The following LIG3 variants were observed in gnomAD, a reference collection of about 807,000 sequenced individuals.
LIG3 encodes ligase II, DNA, ATP-dependent.
LIG3 carries 58 observed loss-of-function variants against 110.9 expected under a neutral mutation model. That is an observed-to-expected ratio of 0.52 (90% confidence interval 0.42 to 0.65). The LOEUF (loss-of-function observed/expected upper bound fraction) is 0.65, where lower values mean the gene tolerates loss of function less well. Ranked by LOEUF, LIG3 falls within the 30% of genes least tolerant of loss-of-function variation. LIG3 has a pLI of 0.00. For missense variants in LIG3, 1,094 were observed against 1,273.8 expected (o/e 0.86, Z 2.15); for synonymous variants, 422 against 472.8 (o/e 0.89, Z 1.39).
In LIG3 at chr17:34,989,573, C is replaced by T. The variant is rs566713386; in HGVS notation, c.799C>T (p.Arg267Ter). The T allele has an allele frequency of 4.8e-5, 78 of 1,613,944 alleles. No homozygotes were observed. The highest frequency in any genetic ancestry group is 6.5e-5 in the Non-Finnish European group (77 of 1,180,038). ...TAAGGACTGTCTGCTACGGGAGTTT[C>T]GAAAGTTATGCGCCATGGTGGCCGA... ...RHKDCLLREF[R>*]KLCAMVADNP... The change falls in exon 4 of 20, where the codon CGA (arginine) becomes TGA (stop). Residue 267 changes from arginine to a stop codon, truncating the protein, a stop_gained. Transcript: ENST00000378526. LOFTEE classifies it high-confidence loss of function.
Position 34,996,143 on chromosome 17 carries a change from T to C in LIG3, c.1691T>C (p.Ile564Thr), listed in dbSNP as rs745634172. The C allele has an allele frequency of 8.1e-6, 13 of 1,614,164 alleles. No homozygotes were observed. The highest frequency in any genetic ancestry group is 2.2e-5 in the East Asian group (1 of 44,864). The part of the protein sequence containing the change: ...SMILDSEVLL[I>T]DNKTGKPLPF... The stretch of plus-strand genomic sequence containing the variant: ...ATCTTGGATTCTGAAGTGCTTCTGA[T>C]TGACAACAAGACAGGCAAACCACTG... The change falls in exon 10 of 20, where the codon ATT becomes ACT. Residue 564 changes from isoleucine to threonine, a missense_variant. Ile to Thr is a moderately conservative substitution (Grantham distance 89). Coordinates refer to ENST00000378526, the MANE Select transcript of LIG3 (RefSeq NM_013975.4).
At chr17:34,991,176 C>T in intron 5 of LIG3, 62 bp downstream of exon 5, 2 of 1,507,492 alleles carry the variant, frequency 1.3e-6, no homozygotes, top group Non-Finnish European at 1.8e-6. Context: ...AGCCAGGCAC[C>T]TGCAGCCTCT....
chr17:34,997,087 T>G (rs1382264676), intron 11 of LIG3: 1 of 167,446 alleles, frequency 6.0e-6, no homozygotes, highest in Non-Finnish European at 1.3e-5. Flanking sequence ...GGTTTTGATT[T>G]CAGAAGAGAC....
Position 34,983,187 on chromosome 17 carries a change from G to A in LIG3, c.182G>A (p.Gly61Glu). ...AGAAAGCCTGTTCTATCATTCCAGG[G>A]AAGCCATCTAAGATCACGTGCCACC... ...LRRKPVLSFQ[G>E]SHLRSRATYL... Residue 61 changes from glycine to glutamate, a missense_variant, in exon 2 of 20, where the codon GGA (glycine) becomes GAA (glutamate). Transcript: ENST00000378526. 1 of 1,614,154 alleles carries A rather than the reference G, an allele frequency of 6.2e-7. No individual in the cohort carries two copies. Among genetic ancestry groups the A allele is most frequent in the East Asian group, 2.2e-5 (1 of 44,890 alleles).
At position 34,995,118 on chromosome 17, in the gene LIG3, A is replaced by C. The variant is rs1004824452; in HGVS notation, c.1611+687A>C. 5.9e-5 allele frequency among the ~76,000 whole-genome samples: 9 copies of C among 152,144 alleles called. No individual in the cohort carries two copies. The South Asian group carries it at 8.3e-4, about 14-fold the overall frequency. On this transcript the variant is annotated intron_variant, in intron 9 of 19. Transcript: ENST00000378526. Reference sequence around the variant, plus strand: ...AGCAGATGGAATTCCTATCTTTGCTATCCTTTTCTTTCCTAACTCAGACTC... The same window carrying C: ...AGCAGATGGAATTCCTATCTTTGCTCTCCTTTTCTTTCCTAACTCAGACTC...
chr17:34,989,026 G>A (rs1362940135), intron 3 of LIG3, among the ~76,000 whole-genome samples: 1 of 145,338 alleles, frequency 6.9e-6, no homozygotes, highest in Admixed American at 6.8e-5. Context: ...TTTTTTTTTT[G>A]AGGCAGGATC....
At chr17:34,998,970 G>C (rs184409215) in intron 14 of LIG3, 1 of 517,698 alleles carries the variant, frequency 1.9e-6, no homozygotes, top group Non-Finnish European at 3.4e-6. Flanking sequence ...CAATTATTTC[G>C]TCAGGGCCTG....
In LIG3 at chr17:34,998,255, A is replaced by T; in HGVS notation, c.1948A>T (p.Ile650Phe). 1 of 1,613,722 alleles carries T rather than the reference A, an allele frequency of 6.2e-7. No individual in the cohort carries two copies. ...CTTGGCTGACATGATAACCCGGGTG[A>T]TCCAGGAGGGATTGGAGGGGCTGGT... is the stretch of plus-strand genomic sequence containing the variant. ...LDLADMITRV[I>F]QEGLEGLVLK... The change falls in exon 13 of 20, where the codon ATC becomes TTC. Residue 650 changes from isoleucine (I) to phenylalanine (F), a missense_variant. Ile to Phe is a conservative substitution (Grantham distance 21). Transcript: ENST00000378526.
At position 35,001,336 on chromosome 17, in the gene LIG3, T is replaced by A. The variant is rs2090839586; in HGVS notation, c.2411T>A (p.Phe804Tyr). 6.2e-7 allele frequency: 1 copy of A among 1,614,020 alleles called. No individual in the cohort carries two copies. The highest frequency in any genetic ancestry group is 1.3e-5 in the African/African-American group (1 of 74,910). The change falls in exon 17 of 20, where the codon TTC (phenylalanine) becomes TAC (tyrosine). Residue 804 changes from phenylalanine to tyrosine, a missense_variant. Transcript: ENST00000378526. ...AHTADGISIRFPRCTRIRDDK... is the reference protein window; with the variant it reads ...AHTADGISIRYPRCTRIRDDK... Reference sequence around the variant, plus strand: ...ACAGCTGACGGGATCTCCATCCGATTCCCTCGCTGCACCCGAATCCGAGAT... The same window carrying A: ...ACAGCTGACGGGATCTCCATCCGATACCCTCGCTGCACCCGAATCCGAGAT...
intron 19 of LIG3, 43 bp downstream of exon 19, chr17:35,002,832 C>T (rs1010907295): frequency 6.4e-7 from 1 of 1,573,084 alleles, no homozygotes; most frequent in South Asian, 1.2e-5. Context: ...CCAGTTTAGC[C>T]CAGGTTGTGT....
downstream of LIG3, chr17:35,010,612 TGTG>T (rs1347382860): frequency 6.6e-6 from 1 of 151,928 alleles, no homozygotes; most frequent in African/African-American, 2.4e-5. Flanking sequence ...ATTAGCCTGG[TGTG>T]GTGGTGGGCG....
At position 35,005,368 on chromosome 17, in the gene LIG3, C is replaced by CT. The variant is rs1190765167; in HGVS notation, c.*863dup. On this transcript the variant is annotated 3_prime_UTR_variant, in exon 20 of 20. Transcript: ENST00000378526. Reference sequence around the variant, plus strand: ...CCAACCTGAAGTTGAAGAAGCCACCCTGGCTGCACATGCCATCAGCCATGA... The same window carrying CT: ...CCAACCTGAAGTTGAAGAAGCCACCCTTGGCTGCACATGCCATCAGCCATGA... 1 of 557,812 alleles carries CT rather than the reference C, an allele frequency of 1.8e-6. No homozygotes were observed. Among genetic ancestry groups the CT allele is most frequent in the East Asian group, 4.8e-5 (1 of 20,922 alleles). The allele number at this position is 557,812 out of a possible 1,614,324, so 34.6% of individuals were successfully genotyped here.
At position 35,008,573 on chromosome 17, in the gene LIG3, C is replaced by T. The variant is rs1243625438; in HGVS notation, c.*4067C>T. The T allele has an allele frequency of 1.3e-5, 2 of 151,976 alleles. No homozygotes were observed. The highest frequency in any genetic ancestry group is 4.8e-5 in the African/African-American group (2 of 41,356). The allele number at this position is 151,976 out of a possible 1,614,324, so 9.4% of individuals were successfully genotyped here. A position where few individuals can be genotyped will look rare whatever the true frequency, so the allele number is the denominator to read the frequency against. On this transcript the variant is annotated 3_prime_UTR_variant, in exon 20 of 20. Coordinates refer to ENST00000378526, the MANE Select transcript of LIG3 (RefSeq NM_013975.4). ...AGCCTTCCAAGTAGTTGGGACTACC[C>T]ACATGCACCACCATGCACGGCTAAT...
rs962441608 is a variant in LIG3 at position 35,007,204 on chromosome 17, C to G, written c.*2698C>G. On this transcript the variant is annotated 3_prime_UTR_variant, in exon 20 of 20. Transcript: ENST00000378526. ...TTATTGGTTGCTTACACCCAGAGTG[C>G]ACACTCACAGGAAAGGGCCTCTGCT... The G allele has an allele frequency of 6.6e-6, 1 of 152,286 alleles. No individual in the cohort carries two copies. The highest frequency in any genetic ancestry group is 1.5e-5 in the Non-Finnish European group (1 of 68,096). The allele number at this position is 152,286 out of a possible 1,614,324, so 9.4% of individuals were successfully genotyped here. A position where few individuals can be genotyped will look rare whatever the true frequency, so the allele number is the denominator to read the frequency against.
Position 34,991,076 on chromosome 17 carries a change from A to G in LIG3, c.1003A>G (p.Asn335Asp), listed in dbSNP as rs2090715002. ...QIVKLFSRIFNCNPDDMARDL... is the reference protein window; with the variant it reads ...QIVKLFSRIFDCNPDDMARDL... The stretch of plus-strand genomic sequence containing the variant: ...TGTGAAGCTTTTCAGTCGCATTTTT[A>G]ACTGCAACCCAGATGATATGGCACG... Residue 335 changes from asparagine to aspartate, a missense_variant, in exon 5 of 20, where the codon AAC (asparagine) becomes GAC (aspartate). Physicochemically the swap from Asn to Asp is conservative, Grantham distance 23 (BLOSUM62 1). Transcript: ENST00000378526. 6.2e-7 allele frequency: 1 copy of G among 1,614,172 alleles called. No individual in the cohort carries two copies. The highest frequency in any genetic ancestry group is 8.5e-7 in the Non-Finnish European group (1 of 1,180,026).
At chr17:34,985,919 G>C (rs1302030550) in intron 2 of LIG3, 69 bp from the exon 3 acceptor site, 1 of 1,529,222 alleles carries the variant, frequency 6.5e-7, no homozygotes, top group Non-Finnish European at 9.0e-7. Context: ...GCAGTTGATA[G>C]ATTCTTTGGA....
In LIG3 at chr17:34,991,016, A is replaced by G. The variant is rs1335526762; in HGVS notation, c.943A>G (p.Ile315Val). 6.2e-7 allele frequency: 1 copy of G among 1,614,170 alleles called. No homozygotes were observed. Among genetic ancestry groups the G allele is most frequent in the Non-Finnish European group, 8.5e-7 (1 of 1,179,998 alleles). The change falls in exon 5 of 20, where the codon ATT becomes GTT. Residue 315 changes from isoleucine to valine, a missense_variant. Transcript: ENST00000378526. ...AGTGAAGCTGCTGCTGCCAGGAGTCATTAAGACTGTTTACAACTTGAACGA... is the reference window on the plus strand; with the variant it reads ...AGTGAAGCTGCTGCTGCCAGGAGTCGTTAAGACTGTTTACAACTTGAACGA... ...LTVKLLLPGV[I>V]KTVYNLNDKQ...
At position 34,997,698 on chromosome 17, in the gene LIG3, G is replaced by A. The variant is rs751649970; in HGVS notation, c.1824-40G>A. The A allele has an allele frequency of 4.1e-5, 59 of 1,425,458 alleles. No individual in the cohort carries two copies. In the South Asian group the frequency reaches 6.2e-4, roughly 15 times the overall value. 88.3% of individuals were successfully genotyped at this position (1,425,458 alleles called of 1,614,324 possible). A position where few individuals can be genotyped will look rare whatever the true frequency, so the allele number is the denominator to read the frequency against. Reference sequence around the variant, plus strand: ...TCCTCAGAATTCCTAATAAGGGAGGGAGGATCCCGGCCTAACCTCAGCTCT... The same window carrying A: ...TCCTCAGAATTCCTAATAAGGGAGGAAGGATCCCGGCCTAACCTCAGCTCT... On this transcript the variant is annotated intron_variant, in intron 11 of 19. Coordinates refer to ENST00000378526, the MANE Select transcript of LIG3 (RefSeq NM_013975.4).
rs1352975688 is a variant in LIG3 at position 34,989,723 on chromosome 17, T to A, written c.889+60T>A. On this transcript the variant is annotated intron_variant, in intron 4 of 19. Transcript: ENST00000378526. ...CGGAGAGCTCAAGGCCATGGCTGCC[T>A]TCCTGGGCATGTGAGCTGTATAGTT... 3.3e-6 allele frequency: 5 copies of A among 1,506,896 alleles called. No homozygotes were observed. In the African/African-American group the frequency reaches 4.1e-5, roughly 12 times the overall value. The allele number at this position is 1,506,896 out of a possible 1,614,324, so 93.3% of individuals were successfully genotyped here.
Sources: allele counts gnomAD v4.1 joint callset (sites outside exome capture counted in the v4.1 genomes callset), GRCh38; gene constraint gnomAD v4.1.1; transcripts MANE v1.5; gene names NCBI Gene and HGNC (gene_info 2026-07-23, HGNC 2026-07-21).